SLC9B1: variants seen among roughly 807,000 people sequenced by gnomAD.
SLC9B1 encodes the protein solute carrier family 9 member B1, also known as sodium/hydrogen exchanger 9B1.
A neutral mutation model predicts 51.7 loss-of-function variants in SLC9B1; 32 were observed. That is an observed-to-expected ratio of 0.62 (90% CI 0.47 to 0.83). The LOEUF is 0.83. SLC9B1 is among the 40% of genes least tolerant of loss of function. The pLI is 0.00. For missense variants in SLC9B1, 406 were observed against 613.2 expected, an observed-to-expected ratio of 0.66 and a Z score of 3.57; for synonymous variants, 145 against 212.7, an observed-to-expected ratio of 0.68 and a Z score of 2.77.
At chr4:102,888,697 T>C (rs1461209548) in intron 11 of SLC9B1, 3 of 152,236 alleles carry the variant, frequency 2.0e-5, no homozygotes, top group Middle Eastern at 3.2e-3. Context: ...GCTGGGAAGA[T>C]TGAGGTGGGA....
Position 102,945,227 on chromosome 4 carries a change from T to C in SLC9B1, c.619A>G (p.Met207Val), listed in dbSNP as rs1187017293. 2 of 1,608,932 alleles carry C rather than the reference T, an allele frequency of 1.2e-6. No homozygotes were observed. Among genetic ancestry groups the C allele is most frequent in the East Asian group, 2.2e-5 (1 of 44,820 alleles). Residue 207 changes from methionine (M) to valine (V), a missense_variant, in exon 6 of 12, where the codon ATG (methionine) becomes GTG (valine). Met to Val is a conservative substitution (Grantham distance 21). This residue lies in a region of SLC9B1 where 250 missense variants were observed against 394.1 expected (regional missense o/e 0.63). Coordinates refer to ENST00000296422, the MANE Select transcript of SLC9B1 (RefSeq NM_139173.4). The stretch of plus-strand genomic sequence containing the variant: ...AATGCCCATTGCCAGGGAAATTTCA[T>C]AATGAAGTGTGAAAAAACAGCAGCT... ...SAAAVFSHFI[M>V]KFPWQWAFLL...
At chr4:103,002,159 C>T (rs1740557443) in intron 1 of SLC9B1, among the ~76,000 whole-genome samples, 1 of 152,198 alleles carries the variant, frequency 6.6e-6, no homozygotes, top group South Asian at 2.1e-4. Context: ...CGTGGGGATT[C>T]CAATTCAAGA....
chr4:102,914,048 C>T (rs1429813366), intron 7 of SLC9B1, among the ~76,000 whole-genome samples: 1 of 151,906 alleles, frequency 6.6e-6, no homozygotes, highest in Non-Finnish European at 1.5e-5. Flanking sequence ...TCTCCCTGAG[C>T]ATTCGGGGAT....
intron 7 of SLC9B1, among the ~76,000 whole-genome samples, chr4:102,922,578 C>T (rs1279146705): frequency 1.3e-5 from 2 of 151,958 alleles, no homozygotes; most frequent in African/African-American, 4.8e-5. Flanking sequence ...GAAGGAGATA[C>T]AGACACAAAA....
At chr4:102,936,680 GA>G (rs1374058632) in intron 6 of SLC9B1, among the ~76,000 whole-genome samples, 1 of 152,120 alleles carries the variant, frequency 6.6e-6, no homozygotes, top group East Asian at 1.9e-4. Flanking sequence ...CCACTTCTTT[GA>G]ATTAACTCAG....
chr4:102,982,865 T>C (rs1448937929), intron 3 of SLC9B1, among the ~76,000 whole-genome samples: 3 of 152,128 alleles, frequency 2.0e-5, no homozygotes, highest in Non-Finnish European at 4.4e-5. Flanking sequence ...CTAACCTGTA[T>C]ACCTTTTATT....
chr4:102,906,487 TC>T (rs757501934), intron 10 of SLC9B1, 48 bp downstream of exon 10: 1 of 910,174 alleles, frequency 1.1e-6, no homozygotes, highest in South Asian at 1.7e-5. Context: ...TTTATAATTT[TC>T]TTAAATATTT....
intron 11 of SLC9B1, chr4:102,890,853 A>AG (rs1441797257): frequency 1.5e-4 from 22 of 146,054 alleles, no homozygotes; most frequent in Admixed American, 4.7e-4. Flanking sequence ...AAAAAAAAAA[A>AG]GTCTTTTTTT....
At chr4:103,018,002 G>C (rs1364108650) in intron 1 of SLC9B1, among the ~76,000 whole-genome samples, 3 of 152,094 alleles carry the variant, frequency 2.0e-5, no homozygotes, top group Non-Finnish European at 4.4e-5. Flanking sequence ...AAGTGGCTAA[G>C]GTATGGCTTC....
At chr4:102,962,615 C>T (rs1187701485) in intron 3 of SLC9B1, 1 of 473,696 alleles carries the variant, frequency 2.1e-6, no homozygotes, top group Non-Finnish European at 4.4e-6. Flanking sequence ...CACCCATGTT[C>T]TCCCAGTTGT....
chr4:102,999,004 C>T (rs1740373402), intron 1 of SLC9B1, among the ~76,000 whole-genome samples: 1 of 152,102 alleles, frequency 6.6e-6, no homozygotes, highest in African/African-American at 2.4e-5. Context: ...ACTACTGGTG[C>T]ACACGTCCAC....
intron 6 of SLC9B1, among the ~76,000 whole-genome samples, chr4:102,943,253 A>G (rs1363396736): frequency 6.6e-6 from 1 of 152,148 alleles, no homozygotes; most frequent in African/African-American, 2.4e-5. Context: ...TACAACCACT[A>G]TGGAAAAGAG....
At chr4:102,896,954 T>C (rs949309628), downstream of SLC9B1, 1 of 154,588 alleles carries the variant, frequency 6.5e-6, no homozygotes, top group Non-Finnish European at 1.5e-5. Context: ...AAGACATGGA[T>C]GGTAGGTGCC....
intron 7 of SLC9B1, among the ~76,000 whole-genome samples, chr4:102,918,858 T>A (rs181474613): frequency 3.3e-4 from 51 of 152,276 alleles, no homozygotes; most frequent in African/African-American, 8.7e-4. Flanking sequence ...GCAGCAGGAA[T>A]GGACTAAGAT....
chr4:102,955,118 A>T (rs1469620353), intron 3 of SLC9B1, among the ~76,000 whole-genome samples: 2 of 152,170 alleles, frequency 1.3e-5, no homozygotes, highest in Admixed American at 1.3e-4. Flanking sequence ...CTCATCTTGA[A>T]TTGTACTCCC....
chr4:102,990,608 T>G (rs1480079735), intron 2 of SLC9B1, among the ~76,000 whole-genome samples: 2 of 150,036 alleles, frequency 1.3e-5, no homozygotes, highest in Non-Finnish European at 3.0e-5. Context: ...AACACCAGAG[T>G]AGAGTTAACT....
intron 6 of SLC9B1, among the ~76,000 whole-genome samples, chr4:102,937,863 G>A (rs1476360913): frequency 6.6e-6 from 1 of 151,944 alleles, no homozygotes; most frequent in African/African-American, 2.4e-5. Flanking sequence ...CCTTACAAGA[G>A]GTCCTTAAAG....
At chr4:102,977,902 C>CA (rs1332504955) in intron 3 of SLC9B1, among the ~76,000 whole-genome samples, 1 of 152,100 alleles carries the variant, frequency 6.6e-6, no homozygotes, top group Admixed American at 6.6e-5. Context: ...TGTTGTGCTG[C>CA]ACCCATTAAC....
In SLC9B1 at chr4:102,932,146, G is replaced by T; in HGVS notation, c.807C>A (p.Cys269Ter). ...TACCTGAGGAAAAGACTATGCTCAA[G>T]CATGTATTGAATCCAGTGATAGCCA... ...DILAITGFNTCLSIVFSSGGI... is the reference protein window; with the variant it reads ...DILAITGFNT Residue 269 changes from cysteine (C) to a stop codon, truncating the protein, a stop_gained, in exon 7 of 12, where the codon TGC becomes TGA. Coordinates refer to ENST00000296422, the MANE Select transcript of SLC9B1 (RefSeq NM_139173.4). LOFTEE classifies it high-confidence loss of function. 6.2e-7 allele frequency: 1 copy of T among 1,611,924 alleles called. No individual in the cohort carries two copies. The highest frequency in any genetic ancestry group is 2.2e-4 in the Middle Eastern group (1 of 4,486).
Sources: gnomAD v4.1 joint callset for allele counts (sites outside exome capture counted in the v4.1 genomes callset) on GRCh38, gnomAD v4.1.1 for gene constraint, gnomAD v4.1.1 regional missense constraint, MANE v1.5 for transcripts, NCBI Gene and HGNC (gene_info 2026-07-23, HGNC 2026-07-21) for gene names.